The following KLF5 variants were observed in gnomAD, a reference collection of about 807,000 sequenced individuals.
KLF5 encodes the protein KLF transcription factor 5, also known as Krueppel-like factor 5.
In KLF5, 9 loss-of-function variants were observed where a neutral mutation model predicts 36.9. The ratio of observed to expected loss-of-function variants is 0.24; its 90% CI spans 0.15 to 0.43. The LOEUF (loss-of-function observed/expected upper bound fraction) is 0.43, where lower values mean the gene tolerates loss of function less well. Among genes scored for constraint, KLF5 ranks in the 20% least tolerant of loss-of-function variants. KLF5 has a pLI of 1.00. For synonymous variants in KLF5, 246 were observed against 241.7 expected, an observed-to-expected ratio of 1.02 and a Z score of -0.17; for missense variants, 524 against 599.5, an observed-to-expected ratio of 0.87 and a Z score of 1.31.
At position 73,066,430 on chromosome 13, in the gene KLF5, C is replaced by T. The variant is rs573786003; in HGVS notation, c.1195+2547C>T. 4.5e-3 allele frequency among the ~76,000 whole-genome samples: 685 copies of T among 152,126 alleles called. 4 individuals carry two copies. Among genetic ancestry groups the T allele is most frequent in the Non-Finnish European group, 7.4e-3 (504 of 68,010 alleles). ...TTTTGGTTTTCTTTCTGTCCTCCTC[C>T]TCCCTCTCGGACCGTTGATCAGAGG... On this transcript the variant is annotated intron_variant, in intron 3 of 3. Coordinates refer to ENST00000377687, the MANE Select transcript of KLF5 (RefSeq NM_001730.5).
At chr13:73,073,670 T>C (rs1594399132) in intron 3 of KLF5, among the ~76,000 whole-genome samples, 1 of 152,348 alleles carries the variant, frequency 6.6e-6, no homozygotes, top group South Asian at 2.1e-4. Context: ...GAAATAACTT[T>C]TTCTTTCCAT....
intron 3 of KLF5, 99 bp from the exon 4 acceptor site, chr13:73,075,609 G>C: frequency 9.6e-7 from 1 of 1,041,418 alleles, no homozygotes; most frequent in Non-Finnish European, 1.4e-6. Flanking sequence ...TCTTTCGCTT[G>C]GCCAAGATTT....
chr13:73,062,725 G>A lies in KLF5; in HGVS notation c.1126G>A (p.Asp376Asn), dbSNP rs558049090. Reference protein sequence around the residue: ...DLEKRRIHYCDYPGCTKVYTK... With the variant: ...DLEKRRIHYCNYPGCTKVYTK... The stretch of plus-strand genomic sequence containing the variant: ...GGAGAAACGACGCATCCACTACTGC[G>A]ATTACCCTGGTATGTGCTCTTACCT... Residue 376 changes from aspartate to asparagine, a missense_variant, in exon 2 of 4, where the codon GAT becomes AAT. Around this residue, in one of 4 missense-constraint regions of KLF5, gnomAD observed 46 missense variants for 105.8 expected, o/e 0.43. Coordinates refer to ENST00000377687, the MANE Select transcript of KLF5 (RefSeq NM_001730.5). 5.0e-6 allele frequency: 8 copies of A among 1,613,370 alleles called. No homozygotes were observed. In the Admixed American group the frequency reaches 5.0e-5, roughly 10 times the overall value.
upstream of KLF5, among the ~76,000 whole-genome samples, chr13:73,056,677 T>C (rs2044585273): frequency 6.6e-6 from 1 of 152,232 alleles, no homozygotes; most frequent in Non-Finnish European, 1.5e-5. Flanking sequence ...TCCGTACTAT[T>C]GTACAGTGCT....
chr13:73,065,358 A>T (rs1298156692), intron 3 of KLF5, among the ~76,000 whole-genome samples: 2 of 152,256 alleles, frequency 1.3e-5, no homozygotes, highest in African/African-American at 4.8e-5. Context: ...ATTGCTTGAT[A>T]TCCCAGTGAT....
upstream of KLF5, among the ~76,000 whole-genome samples, chr13:73,057,290 C>T (rs2044588853): frequency 6.6e-6 from 1 of 152,032 alleles, no homozygotes; most frequent in Admixed American, 6.6e-5. Context: ...ACATTAAATC[C>T]CATCCTAATT....
At chr13:73,065,812 G>A (rs866964887) in intron 3 of KLF5, among the ~76,000 whole-genome samples, 2 of 152,036 alleles carry the variant, frequency 1.3e-5, no homozygotes, top group East Asian at 1.9e-4. Flanking sequence ...TGCATATAAC[G>A]ATGTAATCAA....
intron 3 of KLF5, among the ~76,000 whole-genome samples, chr13:73,068,962 G>A (rs1015242694): frequency 6.6e-6 from 1 of 152,066 alleles, no homozygotes; most frequent in African/African-American, 2.4e-5. Flanking sequence ...TGGGCATGGT[G>A]GCACATGCCT....
Position 73,062,019 on chromosome 13 carries a change from C to T in KLF5, c.420C>T (p.Leu140=), listed in dbSNP as rs781076393. Residue 140 remains leucine, a synonymous_variant, in exon 2 of 4, where the codon CTC becomes CTT. Transcript: ENST00000377687. The stretch of plus-strand genomic sequence containing the variant: ...ACAGTATCAACATGAACGTCTTCCT[C>T]CCTGACATCACTCACCTGAGAACTG... ...LPYSINMNVF[L]PDITHLRTGL... 6.2e-7 allele frequency: 1 copy of T among 1,614,124 alleles called. No homozygotes were observed. Among genetic ancestry groups the T allele is most frequent in the Non-Finnish European group, 8.5e-7 (1 of 1,180,030 alleles).
chr13:73,067,843 T>A (rs925602511), intron 3 of KLF5, among the ~76,000 whole-genome samples: 9 of 69,474 alleles, frequency 1.3e-4, no homozygotes, highest in African/African-American at 3.9e-4. Context: ...TTCACTCTTC[T>A]TTTTTTTTTT....
At chr13:73,057,737 C>T (rs1375495088), upstream of KLF5, among the ~76,000 whole-genome samples, 5 of 152,094 alleles carry the variant, frequency 3.3e-5, no homozygotes, top group African/African-American at 1.2e-4. Context: ...ATATGTAAAA[C>T]TGTCTAATGG....
At position 73,062,135 on chromosome 13, in the gene KLF5, C is replaced by T. The variant is rs1033543474; in HGVS notation, c.536C>T (p.Pro179Leu). The T allele has an allele frequency of 5.0e-6, 8 of 1,614,140 alleles. No homozygotes were observed. The highest frequency in any genetic ancestry group is 1.6e-4 in the Middle Eastern group (1 of 6,062). Reference protein sequence around the residue: ...FSHQSETTAPPPAPTQALPEF... With the variant: ...FSHQSETTAPLPAPTQALPEF... The stretch of plus-strand genomic sequence containing the variant: ...CACCAGAGTGAAACGACTGCCCCTC[C>T]TCCGGCCCCGACCCAGGCCCTCCCT... The change falls in exon 2 of 4, where the codon CCT (proline) becomes CTT (leucine). Residue 179 changes from proline to leucine, a missense_variant. Transcript: ENST00000377687.
intron 2 of KLF5, among the ~76,000 whole-genome samples, chr13:73,062,993 AT>A (rs943859884): frequency 6.6e-6 from 1 of 151,556 alleles, no homozygotes; most frequent in Non-Finnish European, 1.5e-5. Context: ...TGGCTAGAAT[AT>A]TCTGGAAAAA....
chr13:73,067,323 TTAAAA>T (rs1287178977), intron 3 of KLF5, among the ~76,000 whole-genome samples: 1 of 152,188 alleles, frequency 6.6e-6, no homozygotes, highest in African/African-American at 2.4e-5. Context: ...TAATGAACAT[TTAAAA>T]TAATGTCTAA....
At position 73,061,868 on chromosome 13, in the gene KLF5, G is replaced by C; in HGVS notation, c.269G>C (p.Cys90Ser). 1 of 1,608,430 alleles carries C rather than the reference G, an allele frequency of 6.2e-7. No homozygotes were observed. Among genetic ancestry groups the C allele is most frequent in the East Asian group, 2.2e-5 (1 of 44,732 alleles). The change falls in exon 2 of 4, where the codon TGT (cysteine) becomes TCT (serine). Residue 90 changes from cysteine (C) to serine (S), a missense_variant. By Grantham distance (112) the Cys-to-Ser change is moderately radical. Around this residue, in one of 4 missense-constraint regions of KLF5, gnomAD observed 454 missense variants for 458.1 expected, o/e 0.99. Transcript: ENST00000377687. ...LPPEDLVQTRCEMEKYLTPQL... is the reference protein window; with the variant it reads ...LPPEDLVQTRSEMEKYLTPQL... ...ATATCTCTTCTTTTTTAGACAAGAT[G>C]TGAAATGGAGAAGTATCTGACACCT...
chr13:73,062,788 T>TGG lies in KLF5; in HGVS notation c.1135+55_1135+56insGG, dbSNP rs2044648466. The TGG allele has an allele frequency of 1.3e-5, 20 of 1,528,190 alleles. No homozygotes were observed. The South Asian group carries it at 2.1e-4, about 16-fold the overall frequency. 94.7% of individuals were successfully genotyped at this position (1,528,190 alleles called of 1,614,324 possible). ...AATAGATGTAGTGTGTGTGTGTGTG[T>TGG]GTCTGTGTGCGCGCGCGTGTGCGTG... On this transcript the variant is annotated intron_variant, in intron 2 of 3. Coordinates refer to ENST00000377687, the MANE Select transcript of KLF5 (RefSeq NM_001730.5).
At chr13:73,063,728 AT>A in intron 2 of KLF5, 95 bp from the exon 3 acceptor site, 2 of 867,650 alleles carry the variant, frequency 2.3e-6, no homozygotes, top group Non-Finnish European at 3.8e-6. Flanking sequence ...AGCATGAGAG[AT>A]TTCTTCTTTA....
At chr13:73,059,774 TGGGGGGGGGGGCCG>T in intron 1 of KLF5, 186 bp downstream of exon 1, 1 of 380,336 alleles carries the variant, frequency 2.6e-6, no homozygotes, top group Non-Finnish European at 3.3e-6. Flanking sequence ...TGAGAGTAAA[TGGGGGGGGGGGCCG>T]GGGGTGGGAA....
intron 3 of KLF5, among the ~76,000 whole-genome samples, chr13:73,068,084 ACCCG>A (rs1021052147): frequency 5.1e-4 from 73 of 142,808 alleles, no homozygotes; most frequent in African/African-American, 2.1e-3. Context: ...CAGATGATCC[ACCCG>A]CCCCAGCCTC....
Sources: gnomAD v4.1 joint callset for allele counts (sites outside exome capture counted in the v4.1 genomes callset) on GRCh38, gnomAD v4.1.1 for gene constraint, gnomAD v4.1.1 regional missense constraint, MANE v1.5 for transcripts, NCBI Gene and HGNC (gene_info 2026-07-23, HGNC 2026-07-21) for gene names.